Variants in CDH13 observed in about 807,000 individuals in gnomAD.
The protein encoded by CDH13 is cadherin 13.
In CDH13, 24 loss-of-function variants were observed where a neutral mutation model predicts 63.8. The observed-to-expected ratio is 0.38, with a 90% CI of 0.27 to 0.53. CDH13 has a LOEUF of 0.53. CDH13 is among the 20% of genes least tolerant of loss of function. CDH13 has a pLI of 0.85. For synonymous variants in CDH13, 503 were observed against 355.3 expected, an observed-to-expected ratio of 1.42 and a Z score of -4.67; for missense variants, 1,049 against 903.1, an observed-to-expected ratio of 1.16 and a Z score of -2.07.
At chr16:83,727,201 G>T (rs1282425470) in intron 10 of CDH13, among the ~76,000 whole-genome samples, 1 of 151,836 alleles carries the variant, frequency 6.6e-6, no homozygotes, top group Non-Finnish European at 1.5e-5. Flanking sequence ...CACTGCTCTA[G>T]TGACCACTAA....
At chr16:83,150,022 C>T (rs541718271) in intron 4 of CDH13, among the ~76,000 whole-genome samples, 23 of 152,246 alleles carry the variant, frequency 1.5e-4, no homozygotes, top group Admixed American at 1.4e-3. Context: ...TTTCCCTTTC[C>T]CAAACCTCTT....
At chr16:83,115,545 GA>G (rs2151628164) in intron 3 of CDH13, among the ~76,000 whole-genome samples, 1 of 152,326 alleles carries the variant, frequency 6.6e-6, no homozygotes, top group Admixed American at 6.5e-5. Flanking sequence ...ATCTTTGCGT[GA>G]AGCCTGCAAA....
At chr16:83,137,693 C>A (rs1319970272) in intron 4 of CDH13, among the ~76,000 whole-genome samples, 1 of 152,148 alleles carries the variant, frequency 6.6e-6, no homozygotes, top group Non-Finnish European at 1.5e-5. Flanking sequence ...AGTGATGAGG[C>A]CGCAGCTGAC....
chr16:82,987,916 C>T (rs1322776544), intron 2 of CDH13, among the ~76,000 whole-genome samples: 4 of 152,152 alleles, frequency 2.6e-5, no homozygotes, highest in Admixed American at 1.3e-4. Context: ...AGGTCTTTCT[C>T]CCTTTGAAGT....
intron 7 of CDH13, among the ~76,000 whole-genome samples, chr16:83,518,590 A>T (rs1003356916): frequency 2.0e-5 from 3 of 150,946 alleles, no homozygotes; most frequent in Non-Finnish European, 4.4e-5. Flanking sequence ...CTCCTGCCTC[A>T]GCCTTCCGAG....
intron 7 of CDH13, among the ~76,000 whole-genome samples, chr16:83,491,985 C>T (rs1405522828): frequency 1.3e-5 from 2 of 152,036 alleles, no homozygotes; most frequent in Non-Finnish European, 2.9e-5. Flanking sequence ...ATTCAAGAGT[C>T]CTTGAATATG....
At chr16:83,069,014 C>G (rs530327069) in intron 3 of CDH13, among the ~76,000 whole-genome samples, 17 of 152,296 alleles carry the variant, frequency 1.1e-4, no homozygotes, top group African/African-American at 3.8e-4. Context: ...GTTCAGTTGT[C>G]TGGATATCCC....
intron 7 of CDH13, among the ~76,000 whole-genome samples, chr16:83,596,483 C>G (rs1387726218): frequency 6.6e-6 from 1 of 152,168 alleles, no homozygotes; most frequent in African/African-American, 2.4e-5. Flanking sequence ...CCACTGGGAT[C>G]TCTTTCTCTG....
At chr16:82,693,455 C>G (rs74928549) in intron 1 of CDH13, among the ~76,000 whole-genome samples, 5 of 152,154 alleles carry the variant, frequency 3.3e-5, no homozygotes, top group African/African-American at 1.2e-4. Context: ...AGACCACTTC[C>G]CAGCTTGCGA....
chr16:83,658,193 C>T (rs1341163515), intron 8 of CDH13, among the ~76,000 whole-genome samples: 1 of 149,626 alleles, frequency 6.7e-6, no homozygotes, highest in African/African-American at 2.5e-5. Flanking sequence ...ATATCCTCAC[C>T]AGCAAGGTCT....
chr16:82,895,689 CTT>C (rs35076608), intron 2 of CDH13, among the ~76,000 whole-genome samples: 249 of 147,346 alleles, frequency 1.7e-3, no homozygotes, highest in Admixed American at 2.9e-3. Flanking sequence ...ACGCCTCTCC[CTT>C]TTTTTTTTTT....
intron 5 of CDH13, among the ~76,000 whole-genome samples, chr16:83,259,871 C>G (rs569103278): frequency 5.9e-5 from 9 of 152,224 alleles, no homozygotes; most frequent in Non-Finnish European, 1.3e-4. Context: ...AAGAAGCAAA[C>G]TTCTTTGGGG....
intron 6 of CDH13, among the ~76,000 whole-genome samples, chr16:83,471,145 C>T (rs1035667111): frequency 1.3e-5 from 2 of 151,954 alleles, no homozygotes; most frequent in East Asian, 1.9e-4. Flanking sequence ...CTAGGATAAG[C>T]CCCTCATCTC....
intron 2 of CDH13, among the ~76,000 whole-genome samples, chr16:83,009,342 G>C (rs1913879545): frequency 6.6e-6 from 1 of 152,198 alleles, no homozygotes; most frequent in Non-Finnish European, 1.5e-5. Flanking sequence ...CATTTGTTTA[G>C]ATTATGATAT....
intron 2 of CDH13, among the ~76,000 whole-genome samples, chr16:82,889,523 T>C (rs2041006938): frequency 6.6e-6 from 1 of 152,232 alleles, no homozygotes. Context: ...TGATGGTCTA[T>C]AAATTTAGGA....
At chr16:82,752,808 G>A (rs541888110) in intron 1 of CDH13, among the ~76,000 whole-genome samples, 120 of 152,160 alleles carry the variant, frequency 7.9e-4, no homozygotes, top group Non-Finnish European at 1.5e-3. Flanking sequence ...TACCTCCACC[G>A]TGGCTGATTG....
intron 3 of CDH13, among the ~76,000 whole-genome samples, chr16:83,056,500 T>C (rs1259597111): frequency 6.6e-6 from 1 of 151,190 alleles, no homozygotes; most frequent in African/African-American, 2.4e-5. Flanking sequence ...CTCAAAAATA[T>C]GGATAAACTT....
intron 2 of CDH13, among the ~76,000 whole-genome samples, chr16:83,018,863 G>T (rs1472091371): frequency 6.6e-6 from 1 of 152,104 alleles, no homozygotes; most frequent in Non-Finnish European, 1.5e-5. Context: ...ACACAGAAAA[G>T]GTATAATAAA....
At chr16:83,556,759 A>C (rs1304186607) in intron 7 of CDH13, among the ~76,000 whole-genome samples, 1 of 152,206 alleles carries the variant, frequency 6.6e-6, no homozygotes, top group Non-Finnish European at 1.5e-5. Flanking sequence ...ACAGAGAGGT[A>C]ATCTTTTCAT....
Sources: gnomAD v4.1 joint callset for allele counts (sites outside exome capture counted in the v4.1 genomes callset) on GRCh38, gnomAD v4.1.1 for gene constraint, MANE v1.5 for transcripts, NCBI Gene and HGNC (gene_info 2026-07-23, HGNC 2026-07-21) for gene names.